Variants in NUDCD3 observed in about 807,000 individuals in gnomAD.
NUDCD3 encodes the protein nudC domain-containing protein 3.
Under a neutral mutation model 39.7 loss-of-function variants are expected in NUDCD3, and 13 were observed. The observed-to-expected ratio is 0.33, with a 90% CI of 0.21 to 0.52. NUDCD3 has a LOEUF of 0.52. NUDCD3 is among the 20% of genes least tolerant of loss of function. The pLI is 0.96. For missense variants in NUDCD3, 453 were observed against 458.1 expected (o/e 0.99, Z 0.10); for synonymous variants, 175 against 172.4 (o/e 1.02, Z -0.12).
chr7:44,464,902 C>T (rs914247335), intron 2 of NUDCD3, among the ~76,000 whole-genome samples: 3 of 152,184 alleles, frequency 2.0e-5, no homozygotes, highest in Non-Finnish European at 4.4e-5. Flanking sequence ...TTTCCTTATT[C>T]TAAATTCCCT....
chr7:44,422,486 C>T (rs1435061276), intron 3 of NUDCD3, among the ~76,000 whole-genome samples: 1 of 152,012 alleles, frequency 6.6e-6, no homozygotes, highest in Admixed American at 6.6e-5. Context: ...ATAAAAGCTA[C>T]CATCAGAGAA....
In NUDCD3 at chr7:44,386,075, G is replaced by A. The variant is rs1798396598; in HGVS notation, c.1022C>T (p.Pro341Leu). The change falls in exon 6 of 6, where the codon CCC becomes CTC. Residue 341 changes from proline (P) to leucine (L), a missense_variant. Physicochemically the swap from Pro to Leu is moderately conservative, Grantham distance 98. Coordinates refer to ENST00000355451, the MANE Select transcript of NUDCD3 (RefSeq NM_015332.4). Reference sequence around the variant, plus strand: ...AGGGTCGAATCGCTGGCCTCGGAAGGGAGAACCTTCAGCATCCCACCCCTT... The same window carrying A: ...AGGGTCGAATCGCTGGCCTCGGAAGAGAGAACCTTCAGCATCCCACCCCTT... The part of the protein sequence containing the change: ...LKKGWDAEGS[P>L]FRGQRFDPAM... 1.2e-6 allele frequency: 2 copies of A among 1,613,910 alleles called. No individual in the cohort carries two copies. Among genetic ancestry groups the A allele is most frequent in the Non-Finnish European group, 8.5e-7 (1 of 1,179,776 alleles).
intron 4 of NUDCD3, 88 bp downstream of exon 4, chr7:44,404,352 A>T: frequency 7.4e-7 from 1 of 1,349,096 alleles, no homozygotes; most frequent in Non-Finnish European, 1.0e-6. Flanking sequence ...CTCACTGCTT[A>T]AGTGTAAATA....
In NUDCD3 at chr7:44,383,771, C is replaced by T. The variant is rs568989090; in HGVS notation, c.*2240G>A. The T allele has an allele frequency of 1.3e-5, 2 of 152,202 alleles. No homozygotes were observed. The highest frequency in any genetic ancestry group is 2.9e-5 in the Non-Finnish European group (2 of 68,064). 9.4% of individuals were successfully genotyped at this position (152,202 alleles called of 1,614,324 possible). A position where few individuals can be genotyped will look rare whatever the true frequency, so the allele number is the denominator to read the frequency against. ...GGCTGTTGTGTCTAAAAAGAGAAAA[C>T]AGGCAGGGTGTGCCAGCTCTGGAGA... On this transcript the variant is annotated 3_prime_UTR_variant, in exon 6 of 6. Transcript: ENST00000355451.
At chr7:44,465,224 A>G (rs1386653592) in intron 2 of NUDCD3, among the ~76,000 whole-genome samples, 1 of 152,230 alleles carries the variant, frequency 6.6e-6, no homozygotes, top group Non-Finnish European at 1.5e-5. Flanking sequence ...AGAAACTTTT[A>G]GTGATTTTAA....
intron 5 of NUDCD3, among the ~76,000 whole-genome samples, chr7:44,386,926 C>A (rs1009549768): frequency 2.0e-5 from 3 of 152,182 alleles, no homozygotes; most frequent in African/African-American, 7.2e-5. Flanking sequence ...GCCCTCCTCA[C>A]CTGGCCACCA....
intron 1 of NUDCD3, among the ~76,000 whole-genome samples, chr7:44,488,912 G>A (rs947786972): frequency 4.6e-5 from 7 of 152,122 alleles, no homozygotes; most frequent in Non-Finnish European, 8.8e-5. Context: ...GTTATATTAA[G>A]GGTTAAATAA....
At chr7:44,484,348 C>A (rs1257820006) in intron 2 of NUDCD3, 1 of 152,322 alleles carries the variant, frequency 6.6e-6, no homozygotes, top group Non-Finnish European at 1.5e-5. Flanking sequence ...AGGCTTGATT[C>A]AGGGAAACCT....
chr7:44,409,807 T>C (rs193033394), intron 3 of NUDCD3, among the ~76,000 whole-genome samples: 36 of 152,306 alleles, frequency 2.4e-4, no homozygotes, highest in African/African-American at 8.2e-4. Flanking sequence ...AGTATCACTA[T>C]TGATACTGAT....
intron 1 of NUDCD3, among the ~76,000 whole-genome samples, chr7:44,488,355 A>G (rs887724859): frequency 1.3e-5 from 2 of 151,628 alleles, no homozygotes; most frequent in Admixed American, 1.3e-4. Flanking sequence ...AAAAAAAAAA[A>G]AAGAAAGAAA....
chr7:44,386,936 A>G (rs1234095236), intron 5 of NUDCD3, among the ~76,000 whole-genome samples: 2 of 152,158 alleles, frequency 1.3e-5, no homozygotes, highest in Non-Finnish European at 2.9e-5. Flanking sequence ...CCTGGCCACC[A>G]TGAGTACACT....
chr7:44,404,414 C>T, intron 4 of NUDCD3, 26 bp downstream of exon 4: 1 of 1,606,640 alleles, frequency 6.2e-7, no homozygotes, highest in Non-Finnish European at 8.5e-7. Context: ...CACCTGGGAG[C>T]CCTACACACA....
At chr7:44,482,735 T>C (rs886961006) in intron 2 of NUDCD3, among the ~76,000 whole-genome samples, 4 of 152,022 alleles carry the variant, frequency 2.6e-5, no homozygotes, top group African/African-American at 9.7e-5. Flanking sequence ...ATCAGACATT[T>C]GAAAGAAAAA....
chr7:44,475,112 CTTT>C (rs369792184), intron 2 of NUDCD3, among the ~76,000 whole-genome samples: 6 of 139,602 alleles, frequency 4.3e-5, no homozygotes, highest in Admixed American at 7.2e-5. Context: ...AAATTCATTT[CTTT>C]TTTTTTTTTT....
intron 4 of NUDCD3, among the ~76,000 whole-genome samples, chr7:44,403,635 G>A (rs980514765): frequency 6.6e-6 from 1 of 152,218 alleles, no homozygotes; most frequent in Non-Finnish European, 1.5e-5. Context: ...ACTGGCCAGG[G>A]AAGCCCAGGC....
intron 4 of NUDCD3, among the ~76,000 whole-genome samples, chr7:44,398,189 G>T (rs1371014047): frequency 2.6e-5 from 4 of 152,168 alleles, no homozygotes; most frequent in Admixed American, 2.6e-4. Flanking sequence ...GGGAAATGCT[G>T]ACTTTCTTGC....
intron 2 of NUDCD3, among the ~76,000 whole-genome samples, chr7:44,443,056 G>A (rs1034184264): frequency 3.9e-5 from 6 of 152,098 alleles, no homozygotes. Flanking sequence ...AAATGACAAC[G>A]TATTCACACA....
chr7:44,413,193 G>A (rs142805560), intron 3 of NUDCD3: 1 of 151,942 alleles, frequency 6.6e-6, no homozygotes, highest in African/African-American at 2.4e-5. Context: ...GCTCATACCT[G>A]TAATTCCAGC....
At position 44,385,838 on chromosome 7, in the gene NUDCD3, T is replaced by C; in HGVS notation, c.*173A>G. ...ATAGCAGCTGGCCCCGCACCTTCTC[T>C]GGAACAGTCTGGAGATGCAAGGTCA... On this transcript the variant is annotated 3_prime_UTR_variant, in exon 6 of 6. Coordinates refer to ENST00000355451, the MANE Select transcript of NUDCD3 (RefSeq NM_015332.4). The C allele has an allele frequency of 1.7e-6, 1 of 595,840 alleles. No individual in the cohort carries two copies. The highest frequency in any genetic ancestry group is 3.0e-6 in the Non-Finnish European group (1 of 332,880). 36.9% of individuals were successfully genotyped at this position (595,840 alleles called of 1,614,324 possible).
Sources: allele counts gnomAD v4.1 joint callset (sites outside exome capture counted in the v4.1 genomes callset), GRCh38; gene constraint gnomAD v4.1.1; transcripts MANE v1.5; gene names NCBI Gene and HGNC (gene_info 2026-07-23, HGNC 2026-07-21).